The following SS18 variants were observed in gnomAD, a reference collection of about 807,000 sequenced individuals.
SS18 encodes SS18 subunit of BAF chromatin remodeling complex.
A neutral mutation model predicts 72.5 loss-of-function variants in SS18; 28 were observed. The ratio of observed to expected loss-of-function variants is 0.39; its 90% CI spans 0.29 to 0.53. The LOEUF (loss-of-function observed/expected upper bound fraction) is 0.53, where lower values mean the gene tolerates loss of function less well. Ranked by LOEUF, SS18 falls within the 20% of genes least tolerant of loss-of-function variation. The pLI is 0.76. For synonymous variants in SS18, 172 were observed against 164.2 expected (o/e 1.05, Z -0.37); for missense variants, 518 against 535.3 (o/e 0.97, Z 0.32).
chr18:26,059,663 C>T (rs2054085434), intron 3 of SS18, among the ~76,000 whole-genome samples: 1 of 152,136 alleles, frequency 6.6e-6, no homozygotes, highest in Admixed American at 6.5e-5. Context: ...TAGATCAGCC[C>T]TAAAAAGTCT....
chr18:26,051,254 C>T lies in SS18; in HGVS notation c.607+1370G>A, dbSNP rs907512276. 4.0e-5 allele frequency among the ~76,000 whole-genome samples: 6 copies of T among 151,808 alleles called. 1 individual carries two copies. The highest frequency in any genetic ancestry group is 1.5e-4 in the African/African-American group (6 of 41,328). ...AACAAGGCAAAAAGTGATATAACTA[C>T]TGTACTATAGTAAAAGGAAGACCTA... is the stretch of plus-strand genomic sequence containing the variant. On this transcript the variant is annotated intron_variant, in intron 5 of 10. Coordinates refer to ENST00000415083, the MANE Select transcript of SS18 (RefSeq NM_001007559.3).
chr18:26,065,800 C>CATATATATATATATATATATAT (rs58222135), intron 3 of SS18, among the ~76,000 whole-genome samples: 3,560 of 54,978 alleles, frequency 0.065, 808 homozygotes, highest in Non-Finnish European at 0.11. Flanking sequence ...CCTACAAATC[C>CATATATATATATATATATATAT]ATATATATAT....
upstream of SS18, chr18:26,090,621 A>C (rs2054710330): frequency 1.3e-6 from 2 of 1,529,712 alleles, no homozygotes; most frequent in Non-Finnish European, 1.8e-6. Context: ...GGTGAACGGC[A>C]AACTGGGGGA....
upstream of SS18, chr18:26,090,865 C>T (rs927314149): frequency 1.1e-5 from 5 of 446,366 alleles, no homozygotes; most frequent in African/African-American, 1.0e-4. Context: ...GGTAGAGTCG[C>T]GCCCTAGTCC....
intron 2 of SS18, among the ~76,000 whole-genome samples, chr18:26,087,282 G>T (rs1346110341): frequency 1.3e-5 from 2 of 152,106 alleles, no homozygotes; most frequent in African/African-American, 4.8e-5. Flanking sequence ...ACTGCCAAAG[G>T]ATACCCAGTG....
intron 5 of SS18, among the ~76,000 whole-genome samples, chr18:26,045,829 G>A (rs1486901375): frequency 6.6e-6 from 1 of 152,058 alleles, no homozygotes; most frequent in Non-Finnish European, 1.5e-5. Context: ...ATTACTGTCA[G>A]TTAAAAATAC....
chr18:26,087,621 A>G (rs779196769), intron 1 of SS18, 44 bp from the exon 2 acceptor site: 2 of 1,146,212 alleles, frequency 1.7e-6, no homozygotes, highest in Non-Finnish European at 2.6e-6. Flanking sequence ...CTAGTGCATC[A>G]AGTAAAATAA....
chr18:26,054,495 C>A (rs903881489), intron 4 of SS18, among the ~76,000 whole-genome samples: 2 of 151,948 alleles, frequency 1.3e-5, no homozygotes, highest in African/African-American at 4.8e-5. Flanking sequence ...TAACAAAAGA[C>A]TAGAAGCCTA....
chr18:26,039,278 T>C lies in SS18; in HGVS notation c.775+11A>G. 2 of 1,586,874 alleles carry C rather than the reference T, an allele frequency of 1.3e-6. No homozygotes were observed. Among genetic ancestry groups the C allele is most frequent in the East Asian group, 2.2e-5 (1 of 44,446 alleles). On this transcript the variant is annotated intron_variant, in intron 6 of 10. Transcript: ENST00000415083. Reference sequence around the variant, plus strand: ...TACATTAAGTAGCAAATTTTCCAAATGGAATCTTACCCTGTTGAGGAGGTC... The same window carrying C: ...TACATTAAGTAGCAAATTTTCCAAACGGAATCTTACCCTGTTGAGGAGGTC...
chr18:26,032,012 G>C (rs911656720), intron 10 of SS18, among the ~76,000 whole-genome samples: 1 of 151,992 alleles, frequency 6.6e-6, no homozygotes, highest in Non-Finnish European at 1.5e-5. Context: ...TCACGGAGGG[G>C]GAACCAAATG....
chr18:26,063,490 C>T (rs2054160891), intron 3 of SS18, among the ~76,000 whole-genome samples: 1 of 151,948 alleles, frequency 6.6e-6, no homozygotes. Context: ...GCACTTCAGC[C>T]TGGGCGACAG....
rs9953096 is a variant in SS18 at position 26,061,954 on chromosome 18, A to T, written c.232-4212T>A. Among the ~76,000 whole-genome samples, 38 of 152,102 alleles carry T rather than the reference A, an allele frequency of 2.5e-4. 1 individual carries two copies. Among genetic ancestry groups the T allele is most frequent in the African/African-American group, 8.0e-4 (33 of 41,386 alleles). Reference sequence around the variant, plus strand: ...CAAATGTAGAAAAAGAAAGTATAGGACAAGACACACAAAAGACTAGGTTAG... The same window carrying T: ...CAAATGTAGAAAAAGAAAGTATAGGTCAAGACACACAAAAGACTAGGTTAG... On this transcript the variant is annotated intron_variant, in intron 3 of 10. Transcript: ENST00000415083.
intron 10 of SS18, among the ~76,000 whole-genome samples, chr18:26,026,783 A>G (rs1294649381): frequency 6.6e-6 from 1 of 152,238 alleles, no homozygotes; most frequent in African/African-American, 2.4e-5. Context: ...TAGTAAAGTT[A>G]TAGTTTTGAT....
intron 5 of SS18, among the ~76,000 whole-genome samples, chr18:26,042,270 T>C (rs1046463627): frequency 4.6e-5 from 7 of 152,178 alleles, no homozygotes; most frequent in Admixed American, 4.6e-4. Context: ...TCTACAACCA[T>C]TTTCTGCAAA....
At chr18:26,025,085 A>G (rs2053422843) in intron 10 of SS18, among the ~76,000 whole-genome samples, 1 of 152,204 alleles carries the variant, frequency 6.6e-6, no homozygotes, top group Non-Finnish European at 1.5e-5. Context: ...ATGGTAAAGG[A>G]GTAAATTCAT....
intron 4 of SS18, among the ~76,000 whole-genome samples, chr18:26,055,781 T>TG (rs1298455286): frequency 2.7e-5 from 4 of 147,172 alleles, no homozygotes; most frequent in African/African-American, 1.0e-4. Context: ...TTTTTTTTGA[T>TG]GGAGTCTCAC....
chr18:26,019,456 A>G (rs117655419), intron 10 of SS18, among the ~76,000 whole-genome samples: 284 of 152,288 alleles, frequency 1.9e-3, no homozygotes, highest in Non-Finnish European at 3.0e-3. Context: ...AGAAGTAAAT[A>G]CACATGATAA....
At chr18:26,081,767 T>C (rs1195792092) in intron 2 of SS18, among the ~76,000 whole-genome samples, 1 of 150,030 alleles carries the variant, frequency 6.7e-6, no homozygotes, top group Non-Finnish European at 1.5e-5. Context: ...CCTAAAACAG[T>C]ATATGTTGTG....
At chr18:26,080,442 G>C (rs1262549826) in intron 2 of SS18, 1 of 936,092 alleles carries the variant, frequency 1.1e-6, no homozygotes, top group Non-Finnish European at 1.3e-6. Context: ...AAAAATTTTA[G>C]TATCATGTTG....
Sources: allele counts gnomAD v4.1 joint callset (sites outside exome capture counted in the v4.1 genomes callset), GRCh38; gene constraint gnomAD v4.1.1; transcripts MANE v1.5; gene names NCBI Gene and HGNC (gene_info 2026-07-23, HGNC 2026-07-21).